SECISBP2: variants seen among roughly 807,000 people sequenced by gnomAD.
The protein encoded by SECISBP2 is selenocysteine insertion sequence-binding protein 2.
In SECISBP2, 96 loss-of-function variants were observed where a neutral mutation model predicts 98.2. That is an observed-to-expected ratio of 0.98 (90% confidence interval 0.83 to 1.16). The LOEUF (loss-of-function observed/expected upper bound fraction) is 1.16, where lower values mean the gene tolerates loss of function less well. SECISBP2 is among the 50% of genes most tolerant of loss of function. The probability of loss-of-function intolerance (pLI) is 0.00; values close to 1 mark genes in which losing one functional copy is unlikely to be tolerated. For missense variants in SECISBP2, 1,046 were observed against 1,022.9 expected (o/e 1.02, Z -0.31); for synonymous variants, 407 against 370.2 (o/e 1.10, Z -1.14).
At chr9:89,363,887 A>C, downstream of SECISBP2, 1 of 1,614,144 alleles carries the variant, frequency 6.2e-7, no homozygotes, top group Non-Finnish European at 8.5e-7. Context: ...ATGGGTCTGC[A>C]CAGGGACACA....
At chr9:89,352,303 C>G (rs767763453) in intron 14 of SECISBP2, among the ~76,000 whole-genome samples, 4 of 152,192 alleles carry the variant, frequency 2.6e-5, no homozygotes, top group Admixed American at 6.5e-5. Flanking sequence ...GCACCTCATG[C>G]ATTTGCCACC....
downstream of SECISBP2, chr9:89,361,444 A>ACTGT (rs1413108096): frequency 2.6e-5 from 4 of 152,188 alleles, no homozygotes; most frequent in Non-Finnish European, 5.9e-5. Flanking sequence ...AGACATGAAA[A>ACTGT]CTGTCATTCA....
In SECISBP2 at chr9:89,348,105, A is replaced by G. The variant is rs762334486; in HGVS notation, c.1629A>G (p.Arg543=). 13 of 1,613,692 alleles carry G rather than the reference A, an allele frequency of 8.1e-6. No homozygotes were observed. In the South Asian group the frequency reaches 1.4e-4, roughly 18 times the overall value. The part of the protein sequence containing the change: ...KKIILKERQE[R]KQRLQENAVS... Reference sequence around the variant, plus strand: ...TTATTTTGAAAGAACGGCAAGAGAGAAAGCAGCGTCTCCAAGAAAATGCTG... The same window carrying G: ...TTATTTTGAAAGAACGGCAAGAGAGGAAGCAGCGTCTCCAAGAAAATGCTG... Residue 543 remains arginine (R), a synonymous_variant, in exon 12 of 17, where the codon AGA becomes AGG. Transcript: ENST00000375807.
At chr9:89,319,095 C>T (rs1214886577) in intron 1 of SECISBP2, 1 of 965,174 alleles carries the variant, frequency 1.0e-6, no homozygotes, top group Non-Finnish European at 1.2e-6. Context: ...TCACTAAAAA[C>T]TAAAGAAAGA....
At chr9:89,360,359 A>G (rs1347189203), downstream of SECISBP2, among the ~76,000 whole-genome samples, 1 of 152,212 alleles carries the variant, frequency 6.6e-6, no homozygotes, top group Non-Finnish European at 1.5e-5. Flanking sequence ...TTTGAGAATG[A>G]AAGTTCCAAA....
At chr9:89,318,831 C>A in intron 1 of SECISBP2, 1 of 1,270,156 alleles carries the variant, frequency 7.9e-7, no homozygotes, top group Non-Finnish European at 9.9e-7. Context: ...CAGTTAGCGC[C>A]GCGTCTGTGG....
chr9:89,332,642 A>T, intron 5 of SECISBP2: 1 of 491,124 alleles, frequency 2.0e-6, no homozygotes. Context: ...ATCCATGTGC[A>T]GGTTTTTGTG....
At chr9:89,324,078 T>C (rs1826271494) in intron 2 of SECISBP2, 1 of 152,262 alleles carries the variant, frequency 6.6e-6, no homozygotes, top group African/African-American at 2.4e-5. Flanking sequence ...TTTTCACATT[T>C]TTTTTTCTGT....
At chr9:89,366,340 A>G in the SECISBP2 span, among the ~76,000 whole-genome samples, 1 of 152,222 alleles carries the variant, frequency 6.6e-6, no homozygotes, top group African/African-American at 2.4e-5. Context: ...AACTTATAAC[A>G]AACAAGCATT....
intron 14 of SECISBP2, among the ~76,000 whole-genome samples, chr9:89,354,153 C>T (rs1322348064): frequency 1.3e-5 from 2 of 152,238 alleles, no homozygotes; most frequent in Non-Finnish European, 2.9e-5. Flanking sequence ...CCTTGCCACA[C>T]GTGCTTTCAT....
intron 14 of SECISBP2, among the ~76,000 whole-genome samples, chr9:89,353,414 C>T (rs904230428): frequency 6.6e-6 from 1 of 152,170 alleles, no homozygotes; most frequent in Non-Finnish European, 1.5e-5. Context: ...ATCCTCTCAC[C>T]ACCATTAGAT....
chr9:89,320,038 G>C (rs1057368571), intron 2 of SECISBP2, among the ~76,000 whole-genome samples: 15 of 152,024 alleles, frequency 9.9e-5, no homozygotes, highest in African/African-American at 3.6e-4. Context: ...AAATAGTAGA[G>C]ACTGCATTGC....
chr9:89,359,601 G>T lies in SECISBP2; in HGVS notation c.*777G>T, dbSNP rs1832601030. 1 of 151,918 alleles carries T rather than the reference G, an allele frequency of 6.6e-6. No individual in the cohort carries two copies. Among genetic ancestry groups the T allele is most frequent in the Non-Finnish European group, 1.5e-5 (1 of 68,020 alleles). The allele number at this position is 151,918 out of a possible 1,614,324, so 9.4% of individuals were successfully genotyped here. A position where few individuals can be genotyped will look rare whatever the true frequency, so the allele number is the denominator to read the frequency against. On this transcript the variant is annotated 3_prime_UTR_variant, in exon 17 of 17. Transcript: ENST00000375807. Reference sequence around the variant, plus strand: ...GTTTGCTTTCATATTTTCCCTGTAAGTAAGAGGGCTTATTTATTTTAAATA... The same window carrying T: ...GTTTGCTTTCATATTTTCCCTGTAATTAAGAGGGCTTATTTATTTTAAATA...
chr9:89,340,187 A>G (rs905902938), intron 9 of SECISBP2, among the ~76,000 whole-genome samples: 15 of 152,210 alleles, frequency 9.9e-5, no homozygotes, highest in African/African-American at 3.6e-4. Context: ...TTTTATAATA[A>G]GATTTGGTAA....
chr9:89,358,819 T>G lies in SECISBP2; in HGVS notation c.2560T>G (p.Leu854Val). The part of the protein sequence containing the change: ...ASTSQMMNLN[L>V] ...AACCTCTCAAATGATGAATTTGAATTTATGAGAGTTCTTGCCTGTGTGTCT... is the reference window on the plus strand; with the variant it reads ...AACCTCTCAAATGATGAATTTGAATGTATGAGAGTTCTTGCCTGTGTGTCT... The change falls in exon 17 of 17, where the codon TTA (leucine) becomes GTA (valine). Residue 854 changes from leucine to valine, a missense_variant. Transcript: ENST00000375807. The G allele has an allele frequency of 5.0e-6, 8 of 1,602,042 alleles. No individual in the cohort carries two copies. The highest frequency in any genetic ancestry group is 6.8e-6 in the Non-Finnish European group (8 of 1,169,090).
Position 89,328,855 on chromosome 9 carries a change from A to T in SECISBP2, c.770A>T (p.Glu257Val). Residue 257 changes from glutamate to valine, a missense_variant, in exon 5 of 17, where the codon GAA becomes GTA. Physicochemically the swap from Glu to Val is moderately radical, Grantham distance 121. Coordinates refer to ENST00000375807, the MANE Select transcript of SECISBP2 (RefSeq NM_024077.5). ...SVSTDISLLR[E>V]VVKPAAVLSK... ...TCTACCGACATTTCTCTTCTAAGAG[A>T]AGTAGTAAAACCAGCTGCAGTGTTA... is the stretch of plus-strand genomic sequence containing the variant. 6.2e-7 allele frequency: 1 copy of T among 1,614,178 alleles called. No homozygotes were observed. Among genetic ancestry groups the T allele is most frequent in the South Asian group, 1.1e-5 (1 of 91,084 alleles).
chr9:89,359,703 C>G (rs1233593682), downstream of SECISBP2: 1 of 151,920 alleles, frequency 6.6e-6, no homozygotes, highest in East Asian at 1.9e-4. Flanking sequence ...CTTGATGATT[C>G]CTATGTCTTA....
At chr9:89,333,223 T>A (rs1392404065) in intron 6 of SECISBP2, among the ~76,000 whole-genome samples, 1 of 152,152 alleles carries the variant, frequency 6.6e-6, no homozygotes, top group Non-Finnish European at 1.5e-5. Context: ...TCCAATTCAG[T>A]GAGAAATTTT....
intron 2 of SECISBP2, among the ~76,000 whole-genome samples, chr9:89,322,021 C>T (rs1825900516): frequency 6.6e-6 from 1 of 152,224 alleles, no homozygotes; most frequent in African/African-American, 2.4e-5. Context: ...TGTATGTCCC[C>T]TTCCCTCATC....
Sources: gnomAD v4.1 joint callset for allele counts (sites outside exome capture counted in the v4.1 genomes callset) on GRCh38, gnomAD v4.1.1 for gene constraint, MANE v1.5 for transcripts, NCBI Gene and HGNC (gene_info 2026-07-23, HGNC 2026-07-21) for gene names.